PNOC: variants seen among roughly 807,000 people sequenced by gnomAD.
The protein encoded by PNOC is prepronociceptin.
Under a neutral mutation model 15.6 loss-of-function variants are expected in PNOC, and 10 were observed. The ratio of observed to expected loss-of-function variants is 0.64; its 90% CI spans 0.40 to 1.09. PNOC has a LOEUF of 1.09. PNOC is among the 50% of genes least tolerant of loss of function. The pLI, the probability that PNOC is intolerant of heterozygous loss-of-function variation, is 0.01. For missense variants in PNOC, 220 were observed against 223.9 expected (o/e 0.98, Z 0.11); for synonymous variants, 98 against 88.5 (o/e 1.11, Z -0.60).
intron 2 of PNOC, among the ~76,000 whole-genome samples, chr8:28,332,344 T>C (rs1436379837): frequency 1.3e-5 from 2 of 152,170 alleles, no homozygotes; most frequent in Non-Finnish European, 2.9e-5. Flanking sequence ...AAGGGTCACT[T>C]CCCCAGTCCT....
chr8:28,329,408 A>G, intron 2 of PNOC, 125 bp downstream of exon 2: 1 of 1,065,398 alleles, frequency 9.4e-7, no homozygotes, highest in Middle Eastern at 2.9e-4. Context: ...CTTGCTCAGC[A>G]TTACATGGCC....
At chr8:28,334,681 C>T (rs916883299) in intron 2 of PNOC, among the ~76,000 whole-genome samples, 1 of 152,032 alleles carries the variant, frequency 6.6e-6, no homozygotes, top group African/African-American at 2.4e-5. Context: ...TTTTGTAGAG[C>T]TGAGGTCTCC....
At chr8:28,328,943 C>T (rs374718929) in intron 1 of PNOC, among the ~76,000 whole-genome samples, 192 bp from the exon 2 acceptor site, 1 of 152,146 alleles carries the variant, frequency 6.6e-6, no homozygotes, top group African/African-American at 2.4e-5. Context: ...GAACACTGAG[C>T]CTAGGTGATA....
chr8:28,337,309 TTTTTTTCTTTTTAGGC>T (rs1275259420), intron 2 of PNOC, among the ~76,000 whole-genome samples: 2 of 131,074 alleles, frequency 1.5e-5, no homozygotes, highest in African/African-American at 4.9e-5. Context: ...CCGATCACCT[TTTTTTTCTTTTTAGGC>T]AAAGTCTCAC....
At chr8:28,326,158 C>G (rs925587063) in intron 1 of PNOC, among the ~76,000 whole-genome samples, 3 of 151,910 alleles carry the variant, frequency 2.0e-5, no homozygotes, top group Non-Finnish European at 4.4e-5. Context: ...TCGAGACCAG[C>G]CTAGGCAACA....
chr8:28,322,988 A>G (rs1321252750), intron 1 of PNOC, among the ~76,000 whole-genome samples: 1 of 152,216 alleles, frequency 6.6e-6, no homozygotes, highest in African/African-American at 2.4e-5. Context: ...GTTGATGAAA[A>G]GGATGGAGGT....
At chr8:28,335,120 G>A (rs1801390340) in intron 2 of PNOC, among the ~76,000 whole-genome samples, 1 of 152,360 alleles carries the variant, frequency 6.6e-6, no homozygotes, top group Admixed American at 6.5e-5. Flanking sequence ...GAAGGAAAGG[G>A]ACACTCCTGT....
chr8:28,339,469 G>C lies in PNOC; in HGVS notation c.*25G>C. The stretch of plus-strand genomic sequence containing the variant: ...GCCGGAAGGGGCGCTCCTCCCAGCT[G>C]TACCGGCCACTGCAACCCATGAGTG... On this transcript the variant is annotated 3_prime_UTR_variant, in exon 3 of 4. Transcript: ENST00000301908. 1 of 1,509,646 alleles carries C rather than the reference G, an allele frequency of 6.6e-7. No homozygotes were observed. Among genetic ancestry groups the C allele is most frequent in the Non-Finnish European group, 8.9e-7 (1 of 1,129,606 alleles). The allele number at this position is 1,509,646 out of a possible 1,614,324, so 93.5% of individuals were successfully genotyped here.
At chr8:28,338,000 G>T (rs1020369532) in intron 2 of PNOC, among the ~76,000 whole-genome samples, 4 of 152,180 alleles carry the variant, frequency 2.6e-5, no homozygotes, top group African/African-American at 9.7e-5. Flanking sequence ...GAGAAGGGGA[G>T]ATGAATACGG....
chr8:28,320,498 A>G (rs572487778), intron 1 of PNOC, among the ~76,000 whole-genome samples: 1 of 152,224 alleles, frequency 6.6e-6, no homozygotes, highest in Admixed American at 6.5e-5. Context: ...TTTATAATGT[A>G]TGTAACTTAT....
At chr8:28,319,401 G>T (rs990817455) in intron 1 of PNOC, among the ~76,000 whole-genome samples, 1 of 152,114 alleles carries the variant, frequency 6.6e-6, no homozygotes, top group Admixed American at 6.5e-5. Context: ...AGAAGAATTC[G>T]GGAGAAGGAG....
chr8:28,331,666 T>TC lies in PNOC; in HGVS notation c.126+2388dup, dbSNP rs551341504. Among the ~76,000 whole-genome samples the TC allele has an allele frequency of 6.1e-3, 924 of 152,234 alleles. 3 individuals are homozygous for TC. The highest frequency in any genetic ancestry group is 0.017 in the Middle Eastern group (5 of 294). On this transcript the variant is annotated intron_variant, in intron 2 of 3. Transcript: ENST00000301908. ...TGCCATTGTGCCTGCCACAGCCTCCTCCCCCATCCATAAATCCCAGTCGCA... is the reference window on the plus strand; with the variant it reads ...TGCCATTGTGCCTGCCACAGCCTCCTCCCCCCATCCATAAATCCCAGTCGCA...
At position 28,339,145 on chromosome 8, in the gene PNOC, G is replaced by A; in HGVS notation, c.232G>A (p.Glu78Lys). ...TTGGCAGCTCAGCCCTGCCGCCCCA[G>A]AGCATGTGGCGGCTGCTCTCTACCA... ...SSWQLSPAAP[E>K]HVAAALYQPR... is the part of the protein sequence containing the mutation. The change falls in exon 3 of 4, where the codon GAG becomes AAG. Residue 78 changes from glutamate to lysine, a missense_variant. Physicochemically the swap from Glu to Lys is moderately conservative, Grantham distance 56 (BLOSUM62 1). Coordinates refer to ENST00000301908, the MANE Select transcript of PNOC (RefSeq NM_006228.5). 2 of 1,613,426 alleles carry A rather than the reference G, an allele frequency of 1.2e-6. No homozygotes were observed. The highest frequency in any genetic ancestry group is 1.7e-6 in the Non-Finnish European group (2 of 1,179,342).
In PNOC at chr8:28,320,375, T is replaced by A. The variant is rs117187017; in HGVS notation, c.-24+3059T>A. ...CCTGATAGGAGCCACACAGAGCAAG[T>A]GCCAGGAGCACAGGGTGGCCAGAGC... On this transcript the variant is annotated intron_variant, in intron 1 of 3. Transcript: ENST00000301908. 4.7e-3 allele frequency among the ~76,000 whole-genome samples: 709 copies of A among 152,210 alleles called. 2 individuals carry two copies. The highest frequency in any genetic ancestry group is 7.7e-3 in the Non-Finnish European group (521 of 68,010).
At position 28,329,374 on chromosome 8, in the gene PNOC, A is replaced by C. The variant is rs553257660; in HGVS notation, c.126+91A>C. 123 of 1,453,296 alleles carry C rather than the reference A, an allele frequency of 8.5e-5. No homozygotes were observed. The African/African-American group carries it at 1.6e-3, about 18-fold the overall frequency. 90.0% of individuals were successfully genotyped at this position (1,453,296 alleles called of 1,614,324 possible). A position where few individuals can be genotyped will look rare whatever the true frequency, so the allele number is the denominator to read the frequency against. On this transcript the variant is annotated intron_variant, in intron 2 of 3. Transcript: ENST00000301908. ...AGAGCAGACTCTGAGTGAGAAGCCAAGGCCTCTCCCACAGCTCACAGGACT... is the reference window on the plus strand; with the variant it reads ...AGAGCAGACTCTGAGTGAGAAGCCACGGCCTCTCCCACAGCTCACAGGACT...
chr8:28,317,234 G>T (rs1043664474), upstream of PNOC: 2 of 152,672 alleles, frequency 1.3e-5, no homozygotes, highest in East Asian at 3.9e-4. Context: ...GCGTGGGGGA[G>T]AGGATATATA....
Position 28,343,109 on chromosome 8 carries a change from AC to A in PNOC, c.*217del. On this transcript the variant is annotated 3_prime_UTR_variant, in exon 4 of 4. Coordinates refer to ENST00000301908, the MANE Select transcript of PNOC (RefSeq NM_006228.5). ...CCTCCCCAGCCCCCTGGCATGTTTCACCACAACCCTGTTGCTACATCAGAGT... is the reference window on the plus strand; with the variant it reads ...CCTCCCCAGCCCCCTGGCATGTTTCACACAACCCTGTTGCTACATCAGAGT... 1 of 443,644 alleles carries A rather than the reference AC, an allele frequency of 2.3e-6. No individual in the cohort carries two copies. Among genetic ancestry groups the A allele is most frequent in the Non-Finnish European group, 3.0e-6 (1 of 334,022 alleles). 27.5% of individuals were successfully genotyped at this position (443,644 alleles called of 1,614,324 possible).
chr8:28,317,872 G>C (rs1177304837), intron 1 of PNOC, among the ~76,000 whole-genome samples: 1 of 152,152 alleles, frequency 6.6e-6, no homozygotes, highest in Non-Finnish European at 1.5e-5. Flanking sequence ...AGCAGAAATT[G>C]CTACAAATAA....
At chr8:28,329,618 T>C (rs1483620898) in intron 2 of PNOC, among the ~76,000 whole-genome samples, 4 of 152,180 alleles carry the variant, frequency 2.6e-5, no homozygotes, top group Non-Finnish European at 5.9e-5. Flanking sequence ...ATTACACCAG[T>C]CAGAGAAAGA....
Sources: gnomAD v4.1 joint callset for allele counts (sites outside exome capture counted in the v4.1 genomes callset) on GRCh38, gnomAD v4.1.1 for gene constraint, MANE v1.5 for transcripts, NCBI Gene and HGNC (gene_info 2026-07-23, HGNC 2026-07-21) for gene names.